The following GPC5 variants were observed in gnomAD, a reference collection of about 807,000 sequenced individuals.
GPC5 encodes glypican 5.
In GPC5, 47 loss-of-function variants were observed where a neutral mutation model predicts 53.9. The observed-to-expected ratio is 0.87, with a 90% CI of 0.69 to 1.11. GPC5 has a LOEUF of 1.11. Among genes scored for constraint, GPC5 ranks in the 50% most tolerant of loss-of-function variants. The pLI is 0.00. For missense variants in GPC5, 748 were observed against 713.1 expected (o/e 1.05, Z -0.56); for synonymous variants, 286 against 263.3 (o/e 1.09, Z -0.84).
intron 7 of GPC5, among the ~76,000 whole-genome samples, chr13:92,243,983 A>G (rs2042632410): frequency 6.6e-6 from 1 of 150,398 alleles, no homozygotes; most frequent in Non-Finnish European, 1.5e-5. Context: ...AAAGTGAAAA[A>G]CAAACTATTT....
chr13:92,587,220 A>G (rs1883565395), intron 7 of GPC5, among the ~76,000 whole-genome samples: 1 of 152,212 alleles, frequency 6.6e-6, no homozygotes, highest in Non-Finnish European at 1.5e-5. Flanking sequence ...ATGAATTGGC[A>G]TTCTATATAA....
chr13:91,969,936 A>G (rs2040225269), intron 6 of GPC5, among the ~76,000 whole-genome samples: 1 of 152,222 alleles, frequency 6.6e-6, no homozygotes, highest in South Asian at 2.1e-4. Flanking sequence ...ATAATTTGGT[A>G]CAACGAGTAT....
chr13:92,422,485 A>ATC (rs3064625), intron 7 of GPC5, among the ~76,000 whole-genome samples: 40 of 133,808 alleles, frequency 3.0e-4, no homozygotes, highest in African/African-American at 1.0e-3. Context: ...ACCCATCACC[A>ATC]TCTCACACAC....
chr13:91,876,018 A>AT (rs1372220763), intron 5 of GPC5, among the ~76,000 whole-genome samples: 1 of 152,168 alleles, frequency 6.6e-6, no homozygotes, highest in Non-Finnish European at 1.5e-5. Flanking sequence ...ATGACAGTGA[A>AT]TAAGTCTCAG....
chr13:92,704,117 T>C (rs1189511727), intron 7 of GPC5, among the ~76,000 whole-genome samples: 1 of 152,082 alleles, frequency 6.6e-6, no homozygotes, highest in Non-Finnish European at 1.5e-5. Flanking sequence ...GTTGGAAGTT[T>C]ACATTTCTAA....
intron 7 of GPC5, among the ~76,000 whole-genome samples, chr13:92,208,462 T>C (rs1485597368): frequency 6.6e-6 from 1 of 152,242 alleles, no homozygotes; most frequent in African/African-American, 2.4e-5. Context: ...AGCAAAGGTC[T>C]TCCAAATAGG....
At chr13:91,918,386 G>T (rs2039680377) in intron 6 of GPC5, among the ~76,000 whole-genome samples, 2 of 152,168 alleles carry the variant, frequency 1.3e-5, no homozygotes, top group African/African-American at 4.8e-5. Flanking sequence ...GTTTTCATTT[G>T]TATATGGAAC....
At chr13:91,649,731 A>T (rs16946396) in intron 2 of GPC5, among the ~76,000 whole-genome samples, 9,873 of 152,156 alleles carry the variant, frequency 0.065, 1,077 homozygotes, top group African/African-American at 0.22. Context: ...GCATGACTGG[A>T]TAAATCTTTT....
chr13:92,501,574 A>T (rs1486564140), intron 7 of GPC5, among the ~76,000 whole-genome samples: 1 of 152,094 alleles, frequency 6.6e-6, no homozygotes, highest in Non-Finnish European at 1.5e-5. Context: ...GAAACATATA[A>T]ACCTGCAGAT....
At chr13:92,150,631 A>C (rs951713700) in intron 7 of GPC5, among the ~76,000 whole-genome samples, 2 of 152,046 alleles carry the variant, frequency 1.3e-5, no homozygotes, top group South Asian at 4.1e-4. Flanking sequence ...GTAGAATTGA[A>C]GTAAAAGGTT....
chr13:92,424,415 A>G (rs1424461885), intron 7 of GPC5, among the ~76,000 whole-genome samples: 1 of 152,084 alleles, frequency 6.6e-6, no homozygotes, highest in Non-Finnish European at 1.5e-5. Flanking sequence ...AGCATTCAAT[A>G]TGACAGACAA....
intron 1 of GPC5, 32 bp downstream of exon 1, chr13:91,399,241 C>T (rs1876729199): frequency 6.3e-7 from 1 of 1,599,170 alleles, no homozygotes; most frequent in Non-Finnish European, 8.5e-7. Flanking sequence ...TCTGGACTGG[C>T]GGCGTCCGAG....
chr13:92,360,609 T>C (rs879866502), intron 7 of GPC5, among the ~76,000 whole-genome samples: 4 of 151,480 alleles, frequency 2.6e-5, no homozygotes, highest in Non-Finnish European at 4.4e-5. Flanking sequence ...TTCAACATAG[T>C]ATTGGAAGTC....
chr13:91,982,549 G>C (rs1373034038), intron 6 of GPC5, among the ~76,000 whole-genome samples: 1 of 152,044 alleles, frequency 6.6e-6, no homozygotes, highest in African/African-American at 2.4e-5. Context: ...TAGCTGAAGA[G>C]CATTAACATA....
At chr13:92,158,011 ATAG>A (rs1434362364) in intron 7 of GPC5, among the ~76,000 whole-genome samples, 1 of 152,228 alleles carries the variant, frequency 6.6e-6, no homozygotes, top group African/African-American at 2.4e-5. Context: ...GAATACATAA[ATAG>A]TAGAGAATGA....
chr13:92,500,454 G>T (rs151225656), intron 7 of GPC5, among the ~76,000 whole-genome samples: 167 of 152,250 alleles, frequency 1.1e-3, no homozygotes, highest in African/African-American at 3.8e-3. Flanking sequence ...ATGGTCAAAG[G>T]TTAGTCTTAG....
At chr13:92,198,205 C>G (rs981448436) in intron 7 of GPC5, among the ~76,000 whole-genome samples, 2 of 152,104 alleles carry the variant, frequency 1.3e-5, no homozygotes, top group African/African-American at 4.8e-5. Context: ...ACATGTTTGT[C>G]TATATATTAC....
rs9560961 is a variant in GPC5 at position 92,183,374 on chromosome 13, T to A, written c.1561+38385T>A. ...TGAGGTCAGCTGCTTTTTTTCTTTTTTTTATGTAGATACATATGGTAGCAG... is the reference window on the plus strand; with the variant it reads ...TGAGGTCAGCTGCTTTTTTTCTTTTATTTATGTAGATACATATGGTAGCAG... On this transcript the variant is annotated intron_variant, in intron 7 of 7. Transcript: ENST00000377067. Among the ~76,000 whole-genome samples, 1,516 of 152,250 alleles carry A rather than the reference T, an allele frequency of 1.0e-2. 19 individuals are homozygous for A. Among genetic ancestry groups the A allele is most frequent in the South Asian group, 0.044 (211 of 4,810 alleles).
intron 2 of GPC5, among the ~76,000 whole-genome samples, chr13:91,456,070 TC>T: frequency 6.6e-6 from 1 of 152,204 alleles, no homozygotes; most frequent in South Asian, 2.1e-4. Flanking sequence ...TGTGATACTC[TC>T]CTCTCCTCCC....
Sources: allele counts gnomAD v4.1 joint callset (sites outside exome capture counted in the v4.1 genomes callset), GRCh38; gene constraint gnomAD v4.1.1; transcripts MANE v1.5; gene names NCBI Gene and HGNC (gene_info 2026-07-23, HGNC 2026-07-21).